SOX6: variants seen among roughly 807,000 people sequenced by gnomAD.
SOX6 encodes the protein transcription factor SOX-6.
Under a neutral mutation model 97.8 loss-of-function variants are expected in SOX6, and 11 were observed. That is an observed-to-expected ratio of 0.11 (90% CI 0.07 to 0.19). SOX6 has a LOEUF of 0.19. SOX6 is among the 10% of genes least tolerant of loss of function. The pLI, the probability that SOX6 is intolerant of heterozygous loss-of-function variation, is 1.00. For missense variants in SOX6, 810 were observed against 1,039.5 expected (o/e 0.78, Z 3.04); for synonymous variants, 360 against 371.4 (o/e 0.97, Z 0.35).
At chr11:16,220,618 T>C (rs531601505) in intron 4 of SOX6, among the ~76,000 whole-genome samples, 11 of 117,938 alleles carry the variant, frequency 9.3e-5, no homozygotes, top group African/African-American at 3.1e-4. Context: ...GTAATGACAG[T>C]TCCAGGTCCC....
At chr11:16,419,185 G>A (rs528950170) in intron 1 of SOX6, among the ~76,000 whole-genome samples, 37 of 152,026 alleles carry the variant, frequency 2.4e-4, no homozygotes, top group Non-Finnish European at 4.4e-4. Context: ...ATGCTACAAC[G>A]ATCTCCTGTA....
At chr11:16,471,081 T>A (rs1860133333) in intron 1 of SOX6, among the ~76,000 whole-genome samples, 1 of 148,120 alleles carries the variant, frequency 6.8e-6, no homozygotes, top group East Asian at 2.0e-4. Flanking sequence ...CTATGTCCGA[T>A]TTTTTTTTTG....
At chr11:15,977,153 C>T (rs1382554834) in intron 15 of SOX6, among the ~76,000 whole-genome samples, 1 of 152,064 alleles carries the variant, frequency 6.6e-6, no homozygotes, top group Non-Finnish European at 1.5e-5. Context: ...ATGTTAGCTC[C>T]TGGCTCACTG....
At chr11:16,685,727 T>C (rs1049992588) in intron 3 of SOX6, among the ~76,000 whole-genome samples, 2 of 152,252 alleles carry the variant, frequency 1.3e-5, no homozygotes, top group Non-Finnish European at 2.9e-5. Flanking sequence ...GTCTGCAGAA[T>C]AGTGGCCTCA....
At chr11:16,416,419 C>T (rs1009854193) in intron 1 of SOX6, among the ~76,000 whole-genome samples, 2 of 152,150 alleles carry the variant, frequency 1.3e-5, no homozygotes, top group Non-Finnish European at 2.9e-5. Flanking sequence ...CCAAGTATGA[C>T]ATTTTAGAGG....
intron 3 of SOX6, among the ~76,000 whole-genome samples, chr11:16,266,831 C>A (rs1303101518): frequency 6.6e-6 from 1 of 151,068 alleles, no homozygotes; most frequent in Non-Finnish European, 1.5e-5. Context: ...TTTTAAAAAT[C>A]AAAAGAAAGA....
intron 3 of SOX6, among the ~76,000 whole-genome samples, chr11:16,629,109 G>A (rs1474170151): frequency 6.6e-6 from 1 of 152,110 alleles, no homozygotes; most frequent in Non-Finnish European, 1.5e-5. Context: ...TGACTGCTCT[G>A]GCTAACACTT....
intron 1 of SOX6, among the ~76,000 whole-genome samples, chr11:16,393,459 A>C (rs187451456): frequency 6.6e-6 from 1 of 152,036 alleles, no homozygotes; most frequent in African/African-American, 2.4e-5. Flanking sequence ...TGACATACAC[A>C]TTGCTCTTCA....
intron 4 of SOX6, among the ~76,000 whole-genome samples, chr11:16,222,621 T>C (rs1297415630): frequency 6.6e-6 from 1 of 152,174 alleles, no homozygotes; most frequent in African/African-American, 2.4e-5. Flanking sequence ...AACCAAGCTT[T>C]GTGGGGTCCT....
intron 4 of SOX6, among the ~76,000 whole-genome samples, chr11:16,208,040 C>T (rs771152963): frequency 7.2e-5 from 11 of 152,058 alleles, no homozygotes; most frequent in Non-Finnish European, 1.5e-4. Context: ...TTCTTCCCAA[C>T]ATAAAAGGAT....
rs928652370 is a variant in SOX6, at chr11:15,971,661, T to A, written c.*1148A>T. ...ACATACTCATGATTAAAAACAATAA[T>A]AGGTTTTTAATAATATCTTGGTTTC... On this transcript the variant is annotated 3_prime_UTR_variant, in exon 16 of 16. Transcript: ENST00000683767. The A allele has an allele frequency of 6.6e-6, 1 of 152,518 alleles. No homozygotes were observed. Among genetic ancestry groups the A allele is most frequent in the African/African-American group, 2.4e-5 (1 of 41,396 alleles). The allele number at this position is 152,518 out of a possible 1,614,324, so 9.4% of individuals were successfully genotyped here.
intron 1 of SOX6, among the ~76,000 whole-genome samples, chr11:16,413,732 G>C (rs1300980132): frequency 1.3e-5 from 2 of 151,462 alleles, no homozygotes; most frequent in East Asian, 3.9e-4. Flanking sequence ...TGTTCTCCAG[G>C]CTGGTCTCAA....
intron 12 of SOX6, among the ~76,000 whole-genome samples, chr11:16,028,113 G>A (rs1244658928): frequency 6.6e-6 from 1 of 152,218 alleles, no homozygotes; most frequent in Non-Finnish European, 1.5e-5. Context: ...CCGTGAAGAG[G>A]TTAGCATGCT....
At chr11:16,606,257 T>G (rs959920304) in intron 4 of SOX6, among the ~76,000 whole-genome samples, 4 of 151,994 alleles carry the variant, frequency 2.6e-5, no homozygotes, top group African/African-American at 9.7e-5. Flanking sequence ...TATATCTTTC[T>G]TTTTTTAGTA....
intron 4 of SOX6, chr11:16,484,220 T>G: frequency 1.2e-6 from 1 of 836,484 alleles, no homozygotes; most frequent in South Asian, 1.3e-5. Flanking sequence ...CACCAGCCCT[T>G]CATCCACCAG....
intron 6 of SOX6, among the ~76,000 whole-genome samples, chr11:16,176,070 C>CGGACGGACGGAT (rs1280678561): frequency 3.4e-5 from 5 of 148,304 alleles, no homozygotes; most frequent in African/African-American, 1.2e-4. Context: ...GACGGACGGA[C>CGGACGGACGGAT]GGATGGATGG....
intron 3 of SOX6, among the ~76,000 whole-genome samples, chr11:16,651,219 G>T (rs896557129): frequency 6.6e-6 from 1 of 151,844 alleles, no homozygotes; most frequent in African/African-American, 2.4e-5. Flanking sequence ...CAACCTTACC[G>T]AAACTATTCC....
intron 12 of SOX6, among the ~76,000 whole-genome samples, chr11:16,037,363 T>A (rs951921859): frequency 7.2e-5 from 11 of 152,172 alleles, no homozygotes; most frequent in Non-Finnish European, 1.5e-4. Flanking sequence ...TTCCTCTGCA[T>A]ACTGTTTGTC....
At chr11:16,088,634 T>C (rs899914014) in intron 9 of SOX6, among the ~76,000 whole-genome samples, 2 of 152,172 alleles carry the variant, frequency 1.3e-5, no homozygotes, top group African/African-American at 4.8e-5. Context: ...ACAACTCTAA[T>C]GATACAATAA....
Sources: gnomAD v4.1 joint callset for allele counts (sites outside exome capture counted in the v4.1 genomes callset) on GRCh38, gnomAD v4.1.1 for gene constraint, MANE v1.5 for transcripts, NCBI Gene and HGNC (gene_info 2026-07-23, HGNC 2026-07-21) for gene names.